HFM1: variants seen among roughly 807,000 people sequenced by gnomAD.
The protein encoded by HFM1 is helicase for meiosis 1.
HFM1 carries 169 observed loss-of-function variants against 192.1 expected under a neutral mutation model. That is an observed-to-expected ratio of 0.88 (90% CI 0.78 to 1.00). The LOEUF (loss-of-function observed/expected upper bound fraction) is 1.00. HFM1 is among the 50% of genes least tolerant of loss of function. The probability of loss-of-function intolerance (pLI) is 0.00; values close to 1 mark genes in which losing one functional copy is unlikely to be tolerated. For synonymous variants in HFM1, 525 were observed against 537.8 expected (o/e 0.98, Z 0.33); for missense variants, 1,661 against 1,668.0 (o/e 1.00, Z 0.07).
intron 38 of HFM1, 192 bp from the exon 39 acceptor site, chr1:91,261,551 C>T (rs1422937297): frequency 2.8e-6 from 1 of 359,262 alleles, no homozygotes; most frequent in East Asian, 4.1e-5. Flanking sequence ...TCATAAAATG[C>T]AAATGGTAGG....
At chr1:91,382,310 G>GTCACCAC (rs1200469613) in intron 6 of HFM1, among the ~76,000 whole-genome samples, 21 of 151,880 alleles carry the variant, frequency 1.4e-4, no homozygotes, top group African/African-American at 5.1e-4. Flanking sequence ...TCCCATAATA[G>GTCACCAC]TCACCACTTT....
At chr1:91,340,797 T>A (rs1467747913) in intron 20 of HFM1, among the ~76,000 whole-genome samples, 1 of 152,194 alleles carries the variant, frequency 6.6e-6, no homozygotes, top group Non-Finnish European at 1.5e-5. Context: ...GTTGCTATTC[T>A]AATTTCAGAC....
intron 36 of HFM1, among the ~76,000 whole-genome samples, chr1:91,265,145 T>G (rs929242466): frequency 3.3e-5 from 5 of 152,202 alleles, no homozygotes; most frequent in South Asian, 2.1e-4. Context: ...GCTAGGATGA[T>G]TTTTTAAATC....
intron 4 of HFM1, among the ~76,000 whole-genome samples, chr1:91,389,665 A>G (rs1662691238): frequency 6.6e-6 from 1 of 152,150 alleles, no homozygotes; most frequent in African/African-American, 2.4e-5. Context: ...CGTGTAAACA[A>G]ATGTTTGTTA....
At chr1:91,287,560 AG>A (rs1395302761) in intron 30 of HFM1, among the ~76,000 whole-genome samples, 1 of 152,204 alleles carries the variant, frequency 6.6e-6, no homozygotes, top group East Asian at 1.9e-4. Context: ...CCACAAAGAT[AG>A]GGAAAAAACA....
Position 91,338,281 on chromosome 1 carries a change from G to A in HFM1, c.2335+5149C>T, listed in dbSNP as rs1654859322. 3.3e-5 allele frequency among the ~76,000 whole-genome samples: 5 copies of A among 152,202 alleles called. No homozygotes were observed. The South Asian group carries it at 1.0e-3, about 31-fold the overall frequency. On this transcript the variant is annotated intron_variant, in intron 20 of 38. Coordinates refer to ENST00000370425, the MANE Select transcript of HFM1 (RefSeq NM_001017975.6). ...AATGGCTACAGTGGAGTACAGTCAGGAATGCCAATCCCCCAAGGCCTGCCA... is the reference window on the plus strand; with the variant it reads ...AATGGCTACAGTGGAGTACAGTCAGAAATGCCAATCCCCCAAGGCCTGCCA...
At chr1:91,264,557 T>C (rs1484800340) in intron 36 of HFM1, among the ~76,000 whole-genome samples, 1 of 149,850 alleles carries the variant, frequency 6.7e-6, no homozygotes, top group Non-Finnish European at 1.5e-5. Context: ...GTATTTTTAG[T>C]AGAGACGGGG....
chr1:91,379,226 T>C lies in HFM1; in HGVS notation c.1007-12A>G. On this transcript the variant is annotated splice_polypyrimidine_tract_variant and intron_variant, in intron 8 of 38. Coordinates refer to ENST00000370425, the MANE Select transcript of HFM1 (RefSeq NM_001017975.6). ...TTTTATTGGTGCCACTGTAACAATA[T>C]AAAATATTTACTTTGAACATCAGTT... is the stretch of plus-strand genomic sequence containing the variant. 3 of 1,581,218 alleles carry C rather than the reference T, an allele frequency of 1.9e-6. No individual in the cohort carries two copies. Among genetic ancestry groups the C allele is most frequent in the Non-Finnish European group, 2.6e-6 (3 of 1,167,848 alleles).
Position 91,299,743 on chromosome 1 carries a change from A to G in HFM1, c.3391+13606T>C, listed in dbSNP as rs868293099. Among the ~76,000 whole-genome samples the G allele has an allele frequency of 5.3e-5, 8 of 152,344 alleles. No individual in the cohort carries two copies. In the South Asian group the frequency reaches 6.2e-4, roughly 12 times the overall value. On this transcript the variant is annotated intron_variant, in intron 30 of 38. Coordinates refer to ENST00000370425, the MANE Select transcript of HFM1 (RefSeq NM_001017975.6). Reference sequence around the variant, plus strand: ...GATGTTCTTTGAAACCAATGAGAACAAAGACACAACATACCAGAATCTCTG... The same window carrying G: ...GATGTTCTTTGAAACCAATGAGAACGAAGACACAACATACCAGAATCTCTG...
intron 1 of HFM1, among the ~76,000 whole-genome samples, chr1:91,401,936 C>T (rs1166386906): frequency 6.6e-6 from 1 of 151,824 alleles, no homozygotes; most frequent in Non-Finnish European, 1.5e-5. Flanking sequence ...AAACTAGTCT[C>T]TAGATACATA....
chr1:91,394,698 C>G (rs1663437071), intron 3 of HFM1, among the ~76,000 whole-genome samples: 6 of 151,952 alleles, frequency 3.9e-5, no homozygotes, highest in Admixed American at 2.6e-4. Context: ...TGACCCATAA[C>G]AAATGATATA....
chr1:91,348,417 A>C lies in HFM1; in HGVS notation c.2207-941T>G, dbSNP rs182538936. Among the ~76,000 whole-genome samples the C allele has an allele frequency of 2.8e-3, 430 of 152,300 alleles. 1 individual carries two copies. Among genetic ancestry groups the C allele is most frequent in the Non-Finnish European group, 4.1e-3 (281 of 68,016 alleles). On this transcript the variant is annotated intron_variant, in intron 18 of 38. Transcript: ENST00000370425. ...AGGTACCAATTTAGCCACAGGTATC[A>C]AATTTATAAATGCATATATCCTTTG... is the stretch of plus-strand genomic sequence containing the variant.
chr1:91,362,001 T>C (rs1222877217), intron 13 of HFM1, among the ~76,000 whole-genome samples: 1 of 152,210 alleles, frequency 6.6e-6, no homozygotes, highest in Non-Finnish European at 1.5e-5. Flanking sequence ...CACTCCTTCA[T>C]GTTAAAAACT....
At chr1:91,370,950 GACAA>G (rs1209740527) in intron 13 of HFM1, among the ~76,000 whole-genome samples, 3 of 151,910 alleles carry the variant, frequency 2.0e-5, no homozygotes, top group East Asian at 1.9e-4. Context: ...ACCAATAACA[GACAA>G]ACAGAGAGCC....
chr1:91,352,443 A>G, intron 16 of HFM1, 63 bp downstream of exon 16: 2 of 1,289,802 alleles, frequency 1.6e-6, no homozygotes. Context: ...TAATCAAAAA[A>G]TACACAATTT....
At chr1:91,395,768 A>G (rs1663584990) in intron 3 of HFM1, among the ~76,000 whole-genome samples, 2 of 152,190 alleles carry the variant, frequency 1.3e-5, no homozygotes, top group Non-Finnish European at 2.9e-5. Flanking sequence ...TGATCAAATC[A>G]GAGTTTTTAA....
At chr1:91,344,172 A>T (rs950931012) in intron 19 of HFM1, among the ~76,000 whole-genome samples, 1 of 152,138 alleles carries the variant, frequency 6.6e-6, no homozygotes, top group African/African-American at 2.4e-5. Context: ...ATTGATGGGG[A>T]TCAGAGCAAT....
intron 34 of HFM1, among the ~76,000 whole-genome samples, chr1:91,269,998 T>C (rs187961257): frequency 1.9e-3 from 288 of 152,212 alleles, no homozygotes; most frequent in African/African-American, 6.4e-3. Flanking sequence ...AGGAGATTTT[T>C]TTGTTTTTTG....
intron 4 of HFM1, among the ~76,000 whole-genome samples, chr1:91,390,694 C>A (rs1415860783): frequency 2.0e-5 from 3 of 152,150 alleles, no homozygotes; most frequent in Admixed American, 1.3e-4. Flanking sequence ...AAAACTGGCA[C>A]AAGACAGGGA....
Sources: gnomAD v4.1 joint callset for allele counts (sites outside exome capture counted in the v4.1 genomes callset) on GRCh38, gnomAD v4.1.1 for gene constraint, MANE v1.5 for transcripts, NCBI Gene and HGNC (gene_info 2026-07-23, HGNC 2026-07-21) for gene names.